The following CFTR variants were observed in gnomAD, a reference collection of about 807,000 sequenced individuals.
CFTR encodes the protein cystic fibrosis transmembrane conductance regulator.
CFTR carries 181 observed loss-of-function variants against 171.6 expected under a neutral mutation model. The ratio of observed to expected loss-of-function variants is 1.05; its 90% confidence interval spans 0.93 to 1.19. CFTR has a LOEUF of 1.19. CFTR is among the 50% of genes most tolerant of loss of function. The pLI, the probability that CFTR is intolerant of heterozygous loss-of-function variation, is 0.00. For missense variants in CFTR, 1,968 were observed against 1,734.7 expected (o/e 1.13, Z -2.39); for synonymous variants, 583 against 608.0 (o/e 0.96, Z 0.60).
chr7:117,631,430 A>C (rs1301244032), intron 22 of CFTR, among the ~76,000 whole-genome samples: 1 of 152,132 alleles, frequency 6.6e-6, no homozygotes, highest in Non-Finnish European at 1.5e-5. Flanking sequence ...TAAAGACAGG[A>C]GTGGGGAAAG....
chr7:117,644,165 C>T (rs558818022), intron 23 of CFTR, among the ~76,000 whole-genome samples: 42 of 151,808 alleles, frequency 2.8e-4, no homozygotes, highest in African/African-American at 8.9e-4. Context: ...ATCTTGATAT[C>T]GATGCTTTTC....
At chr7:117,508,203 A>G (rs1690990178) in intron 2 of CFTR, among the ~76,000 whole-genome samples, 1 of 152,200 alleles carries the variant, frequency 6.6e-6, no homozygotes, top group South Asian at 2.1e-4. Flanking sequence ...GGTTCATGAA[A>G]TTTTTCATCT....
In CFTR at chr7:117,535,326, C is replaced by G; in HGVS notation, c.658C>G (p.Gln220Glu). 6.2e-7 allele frequency: 1 copy of G among 1,614,106 alleles called. No individual in the cohort carries two copies. The highest frequency in any genetic ancestry group is 8.5e-7 in the Non-Finnish European group (1 of 1,179,978). ...CATGGGGCTAATCTGGGAGTTGTTACAGGCGTCTGCCTTCTGTGGACTTGG... is the reference window on the plus strand; with the variant it reads ...CATGGGGCTAATCTGGGAGTTGTTAGAGGCGTCTGCCTTCTGTGGACTTGG... ...LLMGLIWELL[Q>E]ASAFCGLGFL... The change falls in exon 6 of 27, where the codon CAG (glutamine) becomes GAG (glutamate). Residue 220 changes from glutamine (Q) to glutamate (E), a missense_variant. Physicochemically the swap from Gln to Glu is conservative, Grantham distance 29. Transcript: ENST00000003084.
intron 23 of CFTR, among the ~76,000 whole-genome samples, chr7:117,651,318 T>C (rs1366228457): frequency 2.6e-5 from 4 of 152,100 alleles, no homozygotes; most frequent in Non-Finnish European, 5.9e-5. Context: ...AAAAAGCAAA[T>C]GGAAAAATTC....
chr7:117,621,063 C>G (rs563961310), intron 21 of CFTR, among the ~76,000 whole-genome samples: 99 of 152,288 alleles, frequency 6.5e-4, no homozygotes, highest in South Asian at 1.7e-3. Context: ...GATAGCTCCA[C>G]TGCACTCCAG....
chr7:117,620,860 A>G (rs570740462), intron 21 of CFTR, among the ~76,000 whole-genome samples: 2 of 152,142 alleles, frequency 1.3e-5, no homozygotes. Context: ...TAATCCCAGC[A>G]CTTTGAGAGC....
chr7:117,559,682 AT>A, intron 11 of CFTR, 27 bp downstream of exon 11: 1 of 1,517,418 alleles, frequency 6.6e-7, no homozygotes, highest in Non-Finnish European at 9.1e-7. Flanking sequence ...AAACTTTTTG[AT>A]TATGCATATG....
intron 1 of CFTR, among the ~76,000 whole-genome samples, chr7:117,497,463 G>T (rs542177565): frequency 6.6e-6 from 1 of 152,246 alleles, no homozygotes; most frequent in East Asian, 1.9e-4. Context: ...ATGAACATCA[G>T]GAATAGTGGT....
chr7:117,568,660 T>A (rs1233202473), intron 11 of CFTR, among the ~76,000 whole-genome samples: 2 of 152,222 alleles, frequency 1.3e-5, no homozygotes, highest in African/African-American at 4.8e-5. Flanking sequence ...AACATGATGT[T>A]TTGATTTATG....
At chr7:117,516,360 T>C (rs184482050) in intron 3 of CFTR, among the ~76,000 whole-genome samples, 78 of 152,310 alleles carry the variant, frequency 5.1e-4, no homozygotes, top group African/African-American at 1.7e-3. Flanking sequence ...TGAGGGAAAC[T>C]GTATAGTATA....
At chr7:117,638,762 TA>T (rs1792867382) in intron 22 of CFTR, among the ~76,000 whole-genome samples, 2 of 150,202 alleles carry the variant, frequency 1.3e-5, no homozygotes, top group Admixed American at 1.3e-4. Context: ...AATAAATAAA[TA>T]AATAATAAAA....
chr7:117,632,185 G>A (rs1792757386), intron 22 of CFTR, among the ~76,000 whole-genome samples: 1 of 152,072 alleles, frequency 6.6e-6, no homozygotes, highest in African/African-American at 2.4e-5. Flanking sequence ...AAATTCTGAG[G>A]GTGTGAACGG....
At chr7:117,512,122 T>G in intron 3 of CFTR, among the ~76,000 whole-genome samples, 1 of 152,170 alleles carries the variant, frequency 6.6e-6, no homozygotes, top group Non-Finnish European at 1.5e-5. Flanking sequence ...TTGCTTGGTT[T>G]CAGGACTGAT....
At chr7:117,619,017 T>G (rs996974315) in intron 21 of CFTR, among the ~76,000 whole-genome samples, 1 of 152,226 alleles carries the variant, frequency 6.6e-6, no homozygotes, top group African/African-American at 2.4e-5. Context: ...GCTATCTATC[T>G]CTATTCATTT....
chr7:117,511,472 T>C (rs1400192026), intron 3 of CFTR, among the ~76,000 whole-genome samples: 3 of 152,196 alleles, frequency 2.0e-5, no homozygotes, highest in South Asian at 2.1e-4. Flanking sequence ...GGAAAGGTAC[T>C]CCTGAGCCCG....
At chr7:117,532,091 A>G (rs1730219928) in intron 4 of CFTR, among the ~76,000 whole-genome samples, 1 of 151,204 alleles carries the variant, frequency 6.6e-6, no homozygotes, top group Non-Finnish European at 1.5e-5. Context: ...AAAAAAAAAC[A>G]AAAAAAACAG....
chr7:117,518,830 G>T (rs1228688472), intron 3 of CFTR, among the ~76,000 whole-genome samples: 1 of 151,922 alleles, frequency 6.6e-6, no homozygotes, highest in African/African-American at 2.4e-5. Flanking sequence ...AAATCTTGTA[G>T]CACCAGTTTG....
chr7:117,560,496 T>A (rs1444462496), intron 11 of CFTR, among the ~76,000 whole-genome samples: 3 of 152,014 alleles, frequency 2.0e-5, no homozygotes, highest in Non-Finnish European at 4.4e-5. Flanking sequence ...ATGAAAAAAA[T>A]TGCAGAGAAA....
chr7:117,653,055 G>A, intron 24 of CFTR, 124 bp downstream of exon 24: 2 of 732,180 alleles, frequency 2.7e-6, no homozygotes, highest in Non-Finnish European at 5.0e-6. Context: ...TTAAAATGGA[G>A]TACCCTAACA....
Sources: gnomAD v4.1 joint callset for allele counts (sites outside exome capture counted in the v4.1 genomes callset) on GRCh38, gnomAD v4.1.1 for gene constraint, MANE v1.5 for transcripts, NCBI Gene and HGNC (gene_info 2026-07-23, HGNC 2026-07-21) for gene names.